Variants in FANCI observed in about 807,000 individuals in gnomAD.
The protein encoded by FANCI is FA complementation group I, also known as Fanconi anemia group I protein.
A neutral mutation model predicts 176.1 loss-of-function variants in FANCI; 156 were observed. The observed-to-expected ratio is 0.89, with a 90% CI of 0.78 to 1.01. The LOEUF (loss-of-function observed/expected upper bound fraction) is 1.01, where lower values mean the gene tolerates loss of function less well. FANCI is among the 50% of genes least tolerant of loss of function. The probability of loss-of-function intolerance (pLI) is 0.00; values close to 1 mark genes in which losing one functional copy is unlikely to be tolerated. For synonymous variants in FANCI, 613 were observed against 541.7 expected, an observed-to-expected ratio of 1.13 and a Z score of -1.83; for missense variants, 1,678 against 1,534.1, an observed-to-expected ratio of 1.09 and a Z score of -1.57.
At chr15:89,294,129 T>C in intron 23 of FANCI, 132 bp downstream of exon 23, 1 of 1,060,856 alleles carries the variant, frequency 9.4e-7, no homozygotes, top group Non-Finnish European at 1.4e-6. Flanking sequence ...TTTCTTGAAA[T>C]AAAAGCTGGA....
chr15:89,249,974 A>C (rs1302679255), intron 2 of FANCI, among the ~76,000 whole-genome samples: 2 of 152,248 alleles, frequency 1.3e-5, no homozygotes, highest in East Asian at 3.8e-4. Flanking sequence ...CACAAAGAAA[A>C]CATGGGTAGG....
intron 2 of FANCI, among the ~76,000 whole-genome samples, chr15:89,254,226 G>C (rs1194179172): frequency 1.3e-5 from 2 of 152,080 alleles, no homozygotes; most frequent in Non-Finnish European, 2.9e-5. Flanking sequence ...TTAAAAAGAT[G>C]CCTTAGTAAC....
chr15:89,315,069 A>G (rs1341845675), intron 36 of FANCI, among the ~76,000 whole-genome samples: 1 of 152,052 alleles, frequency 6.6e-6, no homozygotes, highest in Admixed American at 6.6e-5. Flanking sequence ...TTGGCCTCCC[A>G]AAGTGCTGGG....
intron 15 of FANCI, 140 bp from the exon 16 acceptor site, chr15:89,281,625 T>C (rs528650069): frequency 1.2e-6 from 1 of 849,946 alleles, no homozygotes; most frequent in East Asian, 2.5e-5. Flanking sequence ...ATTGTCCTTG[T>C]TAACTGTAAT....
rs745566860 is a variant in FANCI at position 89,306,189 on chromosome 15, A to G, written c.3532A>G (p.Arg1178Gly). The G allele has an allele frequency of 1.7e-5, 28 of 1,614,032 alleles. No homozygotes were observed. In the South Asian group the frequency reaches 3.0e-4, roughly 17 times the overall value. The stretch of plus-strand genomic sequence containing the variant: ...GTACACCACACTTACAGCCCTTGTC[A>G]GATATGTGAGTATTTGAGACAAGCA... ...KMYTTLTALV[R>G]YYLQVCQSSG... is the part of the protein sequence containing the mutation. The change falls in exon 32 of 38, where the codon AGA becomes GGA. Residue 1178 changes from arginine (R) to glycine (G), a missense_variant. This residue lies in a region of FANCI where 1,204 missense variants were observed against 1,077.4 expected (regional missense o/e 1.12). Coordinates refer to ENST00000310775, the MANE Select transcript of FANCI (RefSeq NM_001113378.2).
intron 27 of FANCI, 35 bp from the exon 28 acceptor site, chr15:89,303,829 A>G (rs768100926): frequency 1.9e-6 from 3 of 1,590,230 alleles, no homozygotes; most frequent in Non-Finnish European, 2.6e-6. Flanking sequence ...TATCTCTGGC[A>G]TGTTTCTTTA....
At chr15:89,293,772 T>C in intron 22 of FANCI, 61 bp from the exon 23 acceptor site, 2 of 1,493,896 alleles carry the variant, frequency 1.3e-6, no homozygotes, top group Non-Finnish European at 1.9e-6. Context: ...TTATCATATG[T>C]AAAAGTAAAC....
chr15:89,244,027 G>A lies in FANCI; in HGVS notation c.-26G>A, dbSNP rs185051473. On this transcript the variant is annotated 5_prime_UTR_variant, in exon 1 of 38. Transcript: ENST00000310775. ...TTGAGCGGGCTTTTTGGAAGTTTGT[G>A]GCGGAGGTGAGGCCGAGGTGACTGC... 3 of 152,816 alleles carry A rather than the reference G, an allele frequency of 2.0e-5. No homozygotes were observed. The highest frequency in any genetic ancestry group is 2.0e-4 in the Admixed American group (3 of 15,316). 9.5% of individuals were successfully genotyped at this position (152,816 alleles called of 1,614,324 possible). A position where few individuals can be genotyped will look rare whatever the true frequency, so the allele number is the denominator to read the frequency against.
At chr15:89,248,285 A>G (rs2108600) in intron 2 of FANCI, among the ~76,000 whole-genome samples, 78,805 of 151,992 alleles carry the variant, frequency 0.52, 21,144 homozygotes, top group African/African-American at 0.66. Context: ...TCCTTTTTCC[A>G]TAAGTGATCT....
chr15:89,278,903 A>T (rs890666638), intron 14 of FANCI, 129 bp downstream of exon 14: 3 of 707,584 alleles, frequency 4.2e-6, no homozygotes, highest in African/African-American at 1.8e-5. Context: ...ATGCCAATAA[A>T]GGAAATCCAT....
At chr15:89,285,620 A>G (rs2053784689) in intron 18 of FANCI, among the ~76,000 whole-genome samples, 1 of 152,210 alleles carries the variant, frequency 6.6e-6, no homozygotes, top group Non-Finnish European at 1.5e-5. Context: ...GTCTCTCAAA[A>G]AAATTTTTTT....
At chr15:89,287,238 G>T (rs1022666701) in intron 18 of FANCI, among the ~76,000 whole-genome samples, 3 of 152,132 alleles carry the variant, frequency 2.0e-5, no homozygotes, top group African/African-American at 7.2e-5. Context: ...CTCCTAAAGT[G>T]CTGGGATTAC....
rs749802895 is a variant in FANCI, at chr15:89,291,703, C to T, written c.1981C>T (p.Gln661Ter). 1 of 1,612,846 alleles carries T rather than the reference C, an allele frequency of 6.2e-7. No individual in the cohort carries two copies. The highest frequency in any genetic ancestry group is 1.7e-5 in the Admixed American group (1 of 60,020). Residue 661 changes from glutamine to a stop codon, truncating the protein, a stop_gained, in exon 20 of 38, where the codon CAA (glutamine) becomes TAA (stop). Coordinates refer to ENST00000310775, the MANE Select transcript of FANCI (RefSeq NM_001113378.2). LOFTEE classifies it high-confidence loss of function. ...GACCCAAGGAGATAAGATCTCTCTACAAGAACCACTGGTGAGACTTTTATT... is the reference window on the plus strand; with the variant it reads ...GACCCAAGGAGATAAGATCTCTCTATAAGAACCACTGGTGAGACTTTTATT... The part of the protein sequence containing the change: ...ILTQGDKISL[Q>*]EPLDYLLCCI...
chr15:89,296,898 G>A (rs1336148709), intron 24 of FANCI, among the ~76,000 whole-genome samples: 1 of 148,996 alleles, frequency 6.7e-6, no homozygotes, highest in Non-Finnish European at 1.5e-5. Context: ...TCCCGGACGG[G>A]GCGGCTGGCC....
intron 4 of FANCI, 46 bp downstream of exon 4, chr15:89,260,889 G>A (rs367911055): frequency 2.5e-6 from 4 of 1,606,656 alleles, no homozygotes; most frequent in South Asian, 1.1e-5. Flanking sequence ...GGTTTTTGAG[G>A]GTTTGTAATT....
intron 15 of FANCI, among the ~76,000 whole-genome samples, 160 bp from the exon 16 acceptor site, chr15:89,281,605 A>G (rs967246426): frequency 6.6e-6 from 1 of 152,240 alleles, no homozygotes; most frequent in African/African-American, 2.4e-5. Context: ...TTAGTGTTTC[A>G]GAGTATACTA....
chr15:89,315,797 C>T (rs1416177053), intron 37 of FANCI, among the ~76,000 whole-genome samples: 1 of 152,178 alleles, frequency 6.6e-6, no homozygotes, highest in Non-Finnish European at 1.5e-5. Flanking sequence ...AATGTCTTGT[C>T]CTTTTCCCTT....
chr15:89,255,582 G>A (rs780275820), intron 2 of FANCI, among the ~76,000 whole-genome samples: 6 of 152,168 alleles, frequency 3.9e-5, no homozygotes, highest in Non-Finnish European at 8.8e-5. Flanking sequence ...GATATCACCT[G>A]TGTTCTTGTG....
At chr15:89,295,635 T>G (rs1232723372) in intron 24 of FANCI, among the ~76,000 whole-genome samples, 1 of 151,946 alleles carries the variant, frequency 6.6e-6, no homozygotes, top group African/African-American at 2.4e-5. Flanking sequence ...CATTGCACTC[T>G]AGCCTGGGCA....
Sources: allele counts gnomAD v4.1 joint callset (sites outside exome capture counted in the v4.1 genomes callset), GRCh38; gene constraint gnomAD v4.1.1; regional missense constraint gnomAD v4.1.1; transcripts MANE v1.5; gene names NCBI Gene and HGNC (gene_info 2026-07-23, HGNC 2026-07-21).